Variants in IL34 observed in about 807,000 individuals in gnomAD.
IL34 encodes interleukin 34, also known as interleukin-34.
A neutral mutation model predicts 25.3 loss-of-function variants in IL34; 17 were observed. The observed-to-expected ratio is 0.67, with a 90% CI of 0.46 to 1.01. The LOEUF (loss-of-function observed/expected upper bound fraction) is 1.01. IL34 is among the 50% of genes least tolerant of loss of function. The pLI is 0.00. For missense variants in IL34, 368 were observed against 312.9 expected, an observed-to-expected ratio of 1.18 and a Z score of -1.33; for synonymous variants, 174 against 140.9, an observed-to-expected ratio of 1.23 and a Z score of -1.66.
intron 1 of IL34, among the ~76,000 whole-genome samples, chr16:70,632,204 G>C (rs988148011): frequency 3.9e-5 from 6 of 152,146 alleles, no homozygotes; most frequent in African/African-American, 1.4e-4. Flanking sequence ...GTAAGCACCA[G>C]TGAATATGGA....
intron 1 of IL34, among the ~76,000 whole-genome samples, chr16:70,584,895 T>G (rs530378335): frequency 2.8e-4 from 43 of 152,156 alleles, no homozygotes; most frequent in African/African-American, 9.9e-4. Context: ...GAGACAGGGT[T>G]TCACCATGTT....
rs530581122 is a variant in IL34 at position 70,583,135 on chromosome 16, C to T, written c.-401+3086C>T. ...TTGTTGTTGTTTGTCTTTTTTGAGA[C>T]GGAGTCTTGCTCTGTCACCCAGGCT... On this transcript the variant is annotated intron_variant, in intron 1 of 6. Coordinates refer to the IL34 transcript ENST00000429149. Among the ~76,000 whole-genome samples, 23 of 152,072 alleles carry T rather than the reference C, an allele frequency of 1.5e-4. No homozygotes were observed. The East Asian group carries it at 2.9e-3, about 19-fold the overall frequency.
At position 70,646,934 on chromosome 16, in the gene IL34, C is replaced by G. The variant is rs761784434; in HGVS notation, c.-14C>G. ...GACGGCGCCTGAGCTCTCAGGGGGACGAGGAACACCACCATGCCCCGGGGC... is the reference window on the plus strand; with the variant it reads ...GACGGCGCCTGAGCTCTCAGGGGGAGGAGGAACACCACCATGCCCCGGGGC... On this transcript the variant is annotated 5_prime_UTR_variant, in exon 1 of 6. Transcript: ENST00000288098. 9.5e-6 allele frequency: 14 copies of G among 1,478,416 alleles called. No homozygotes were observed. The South Asian group carries it at 1.4e-4, about 15-fold the overall frequency. The allele number at this position is 1,478,416 out of a possible 1,614,324, so 91.6% of individuals were successfully genotyped here. A position where few individuals can be genotyped will look rare whatever the true frequency, so the allele number is the denominator to read the frequency against.
intron 1 of IL34, among the ~76,000 whole-genome samples, chr16:70,638,572 G>T (rs2051709900): frequency 6.6e-6 from 1 of 151,854 alleles, no homozygotes; most frequent in African/African-American, 2.4e-5. Flanking sequence ...CCCAATATCT[G>T]CATATGCTTT....
chr16:70,649,252 G>A (rs559530756), intron 1 of IL34, among the ~76,000 whole-genome samples: 36 of 152,328 alleles, frequency 2.4e-4, no homozygotes, highest in South Asian at 1.0e-3. Flanking sequence ...CAGAGGAAGC[G>A]TACTGAGGAG....
chr16:70,649,480 G>T (rs144898336), intron 1 of IL34, among the ~76,000 whole-genome samples: 15 of 152,126 alleles, frequency 9.9e-5, no homozygotes, highest in African/African-American at 3.1e-4. Context: ...CTTCTGCCCC[G>T]TCCACCCCTG....
Position 70,659,633 on chromosome 16 carries a change from C to T in IL34, c.418C>T (p.Pro140Ser). Residue 140 changes from proline (P) to serine (S), a missense_variant, in exon 5 of 6, where the codon CCC (proline) becomes TCC (serine). Physicochemically the swap from Pro to Ser is moderately conservative, Grantham distance 74 (BLOSUM62 -1). Transcript: ENST00000288098. Reference sequence around the variant, plus strand: ...TCCTTTCCAGGATGTGGAGGTCAGCCCCAAGGTGGAATCCGTGTTGTCCCT... The same window carrying T: ...TCCTTTCCAGGATGTGGAGGTCAGCTCCAAGGTGGAATCCGTGTTGTCCCT... ...QQGLTDVEVS[P>S]KVESVLSLLN... 6.2e-7 allele frequency: 1 copy of T among 1,610,594 alleles called. No homozygotes were observed. Among genetic ancestry groups the T allele is most frequent in the Admixed American group, 1.7e-5 (1 of 59,912 alleles).
chr16:70,590,579 C>G (rs777167913), intron 1 of IL34, among the ~76,000 whole-genome samples: 6 of 152,092 alleles, frequency 3.9e-5, no homozygotes, highest in Non-Finnish European at 8.8e-5. Context: ...AGGTCTAGCC[C>G]AATAGTGCGG....
chr16:70,654,696 T>G, intron 2 of IL34, 25 bp downstream of exon 2: 1 of 1,583,604 alleles, frequency 6.3e-7, no homozygotes, highest in Non-Finnish European at 8.6e-7. Context: ...ACCAGCTGTG[T>G]CCCTGTCCCC....
chr16:70,635,056 A>G (rs918437087), intron 1 of IL34, among the ~76,000 whole-genome samples: 3 of 152,308 alleles, frequency 2.0e-5, no homozygotes, highest in Admixed American at 1.3e-4. Flanking sequence ...AGCAATAGGC[A>G]TTCTTGGTCA....
intron 1 of IL34, among the ~76,000 whole-genome samples, chr16:70,580,910 C>G (rs1157958145): frequency 6.6e-6 from 1 of 151,628 alleles, no homozygotes; most frequent in African/African-American, 2.4e-5. Flanking sequence ...TGCTTTTAAA[C>G]TTTGCATTTT....
At chr16:70,658,359 T>G (rs999388933) in intron 4 of IL34, among the ~76,000 whole-genome samples, 1 of 152,106 alleles carries the variant, frequency 6.6e-6, no homozygotes. Context: ...GTTTTAGAGA[T>G]GGGGGTCTCG....
intron 1 of IL34, among the ~76,000 whole-genome samples, chr16:70,630,954 T>TG (rs1489684541): frequency 6.6e-6 from 1 of 152,300 alleles, no homozygotes; most frequent in South Asian, 2.1e-4. Flanking sequence ...GCAATAAACA[T>TG]GGGAGTGCCG....
intron 1 of IL34, among the ~76,000 whole-genome samples, chr16:70,618,386 G>A (rs1402884121): frequency 6.6e-6 from 1 of 152,014 alleles, no homozygotes; most frequent in Non-Finnish European, 1.5e-5. Flanking sequence ...CAGGAACAAC[G>A]GTAATTGTGG....
chr16:70,587,371 G>A (rs1467715004), intron 1 of IL34, among the ~76,000 whole-genome samples: 2 of 152,048 alleles, frequency 1.3e-5, no homozygotes, highest in Admixed American at 6.6e-5. Flanking sequence ...CCGGGTTCAC[G>A]CCATTCTCCT....
At position 70,619,431 on chromosome 16, in the gene IL34, G is replaced by A. The variant is rs191044109; in HGVS notation, c.-400-27117G>A. Among the ~76,000 whole-genome samples, 39 of 152,162 alleles carry A rather than the reference G, an allele frequency of 2.6e-4. No individual in the cohort carries two copies. The East Asian group carries it at 6.8e-3, about 26-fold the overall frequency. On this transcript the variant is annotated intron_variant, in intron 1 of 6. Transcript: ENST00000429149. ...GCAGATAATTTAGTTAGAGTATCTC[G>A]GCCTAATAAGGGAACTGGGCAGGTG...
At chr16:70,653,818 C>T (rs928036129) in intron 1 of IL34, among the ~76,000 whole-genome samples, 1 of 152,132 alleles carries the variant, frequency 6.6e-6, no homozygotes, top group Non-Finnish European at 1.5e-5. Flanking sequence ...AACCTTTATT[C>T]ATATTTGTTG....
At chr16:70,648,874 C>A (rs1490106212) in intron 1 of IL34, among the ~76,000 whole-genome samples, 1 of 152,180 alleles carries the variant, frequency 6.6e-6, no homozygotes, top group Admixed American at 6.5e-5. Context: ...CGAGAAGGAG[C>A]CTCCCTTGCC....
chr16:70,649,790 A>ATT (rs2052033383), intron 1 of IL34, among the ~76,000 whole-genome samples: 1 of 107,124 alleles, frequency 9.3e-6, no homozygotes, highest in Admixed American at 9.0e-5. Context: ...AGGTTGTTTT[A>ATT]TTATTTTATT....
Sources: allele counts gnomAD v4.1 joint callset (sites outside exome capture counted in the v4.1 genomes callset), GRCh38; gene constraint gnomAD v4.1.1; transcripts MANE v1.5; gene names NCBI Gene and HGNC (gene_info 2026-07-23, HGNC 2026-07-21).